Variants in DCP1A observed in about 807,000 individuals in gnomAD.
DCP1A encodes the protein mRNA-decapping enzyme 1A.
A neutral mutation model predicts 58.0 loss-of-function variants in DCP1A; 20 were observed. The ratio of observed to expected loss-of-function variants is 0.34; its 90% confidence interval spans 0.24 to 0.50. The LOEUF is 0.50. DCP1A is among the 20% of genes least tolerant of loss of function. The pLI is 0.98. For synonymous variants in DCP1A, 285 were observed against 275.1 expected, an observed-to-expected ratio of 1.04 and a Z score of -0.36; for missense variants, 613 against 712.2, an observed-to-expected ratio of 0.86 and a Z score of 1.59.
In DCP1A at chr3:53,292,326, T is replaced by C; in HGVS notation, c.1126A>G (p.Arg376Gly). ...GTGTTCGTCACGTTCAATGGGGCCC[T>C]GAAGGGGCTCTGGTTGGCAATCAGA... ...ASLIANQSPF[R>G]APLNVTNTAG... The change falls in exon 7 of 10, where the codon AGG becomes GGG. Residue 376 changes from arginine (R) to glycine (G), a missense_variant. By Grantham distance (125) the Arg-to-Gly change is moderately radical (BLOSUM62 -2). Transcript: ENST00000610213. The C allele has an allele frequency of 6.2e-7, 1 of 1,613,042 alleles. No homozygotes were observed. Among genetic ancestry groups the C allele is most frequent in the Non-Finnish European group, 8.5e-7 (1 of 1,179,108 alleles).
chr3:53,337,936 A>C (rs782618529), intron 3 of DCP1A, among the ~76,000 whole-genome samples: 1 of 152,240 alleles, frequency 6.6e-6, no homozygotes, highest in Non-Finnish European at 1.5e-5. Context: ...GCTGACACGG[A>C]ACTATCATTT....
intron 3 of DCP1A, among the ~76,000 whole-genome samples, chr3:53,340,422 T>A (rs781882810): frequency 1.3e-5 from 2 of 152,188 alleles, no homozygotes; most frequent in Non-Finnish European, 2.9e-5. Flanking sequence ...ATAGAACCTA[T>A]TTCACTTATA....
chr3:53,306,631 C>T (rs1438943281), intron 5 of DCP1A, among the ~76,000 whole-genome samples: 3 of 151,636 alleles, frequency 2.0e-5, no homozygotes, highest in South Asian at 2.1e-4. Flanking sequence ...ATTAGCCAGG[C>T]GTGGTGGTGG....
chr3:53,291,195 T>A (rs1706855709), intron 7 of DCP1A, among the ~76,000 whole-genome samples: 1 of 111,326 alleles, frequency 9.0e-6, no homozygotes, highest in Non-Finnish European at 2.2e-5. Context: ...ATATATAATT[T>A]TTAATTTTTG....
intron 3 of DCP1A, among the ~76,000 whole-genome samples, chr3:53,330,110 T>C (rs2088958692): frequency 6.6e-6 from 1 of 152,196 alleles, no homozygotes; most frequent in African/African-American, 2.4e-5. Context: ...GCCCAGTCAT[T>C]CAAATTTACA....
intron 6 of DCP1A, among the ~76,000 whole-genome samples, chr3:53,300,792 C>T (rs922556300): frequency 2.0e-5 from 3 of 151,914 alleles, no homozygotes; most frequent in Admixed American, 2.0e-4. Flanking sequence ...TGATTACAGG[C>T]GTGCACCACC....
intron 3 of DCP1A, among the ~76,000 whole-genome samples, chr3:53,331,117 A>G (rs1262956018): frequency 6.6e-6 from 1 of 152,174 alleles, no homozygotes; most frequent in Admixed American, 6.5e-5. Flanking sequence ...TTGGCCTCCC[A>G]AAGTGCTGGG....
rs1404805461 is a variant in DCP1A at position 53,284,784 on chromosome 3, G to A, written c.*2796C>T. 1 of 152,098 alleles carries A rather than the reference G, an allele frequency of 6.6e-6. No individual in the cohort carries two copies. Among genetic ancestry groups the A allele is most frequent in the Non-Finnish European group, 1.5e-5 (1 of 68,060 alleles). The allele number at this position is 152,098 out of a possible 1,614,324, so 9.4% of individuals were successfully genotyped here. A position where few individuals can be genotyped will look rare whatever the true frequency, so the allele number is the denominator to read the frequency against. On this transcript the variant is annotated 3_prime_UTR_variant, in exon 10 of 10. Transcript: ENST00000610213. ...GGTTCTTAATAAAATACCACTCTCT[G>A]TGATGGCTACATCTAAGCCTTTGAA...
At chr3:53,325,893 C>A (rs782005791) in intron 3 of DCP1A, among the ~76,000 whole-genome samples, 1 of 152,220 alleles carries the variant, frequency 6.6e-6, no homozygotes, top group Non-Finnish European at 1.5e-5. Flanking sequence ...GTTGTATATC[C>A]GCAAGAAACT....
intron 3 of DCP1A, among the ~76,000 whole-genome samples, chr3:53,326,304 A>C (rs1708101506): frequency 6.6e-6 from 1 of 152,242 alleles, no homozygotes; most frequent in Non-Finnish European, 1.5e-5. Context: ...TCCCACTTGC[A>C]AAAGTTTTAT....
At chr3:53,294,365 T>C (rs781934760) in intron 6 of DCP1A, among the ~76,000 whole-genome samples, 1 of 151,924 alleles carries the variant, frequency 6.6e-6, no homozygotes, top group Non-Finnish European at 1.5e-5. Flanking sequence ...GCAGGGAGCC[T>C]AGAGGACACC....
chr3:53,285,247 C>A lies in DCP1A; in HGVS notation c.*2333G>T, dbSNP rs938670876. 1.3e-5 allele frequency: 2 copies of A among 152,194 alleles called. No individual in the cohort carries two copies. The highest frequency in any genetic ancestry group is 4.8e-5 in the African/African-American group (2 of 41,442). The allele number at this position is 152,194 out of a possible 1,614,324, so 9.4% of individuals were successfully genotyped here. ...TCCAACTAAGCTTCCAGTAAAGACA[C>A]TGCAGCAATGTAAACATGCAACCTA... On this transcript the variant is annotated 3_prime_UTR_variant, in exon 10 of 10. Coordinates refer to ENST00000610213, the MANE Select transcript of DCP1A (RefSeq NM_018403.7).
At chr3:53,310,700 G>T (rs987155296) in intron 5 of DCP1A, among the ~76,000 whole-genome samples, 31 of 152,190 alleles carry the variant, frequency 2.0e-4, no homozygotes, top group Admixed American at 9.2e-4. Flanking sequence ...TTAGAGAGGT[G>T]ACTGCTCCTC....
At chr3:53,289,481 G>A (rs1706773242) in intron 8 of DCP1A, among the ~76,000 whole-genome samples, 1 of 151,360 alleles carries the variant, frequency 6.6e-6, no homozygotes, top group African/African-American at 2.4e-5. Flanking sequence ...GTGTGGTGAT[G>A]GGAGCCTGTA....
chr3:53,342,404 C>A (rs2106899379), intron 2 of DCP1A, 133 bp from the exon 3 acceptor site: 2 of 695,132 alleles, frequency 2.9e-6, no homozygotes, highest in South Asian at 2.1e-5. Context: ...GCACTTACAT[C>A]TGTAAACAAA....
chr3:53,341,258 T>C (rs967695409), intron 3 of DCP1A, among the ~76,000 whole-genome samples: 9 of 151,946 alleles, frequency 5.9e-5, no homozygotes, highest in Admixed American at 5.9e-4. Flanking sequence ...ATCAAGACCA[T>C]CCTGGCTAAC....
chr3:53,320,808 G>A (rs1339077176), intron 3 of DCP1A, among the ~76,000 whole-genome samples: 2 of 152,124 alleles, frequency 1.3e-5, no homozygotes, highest in Non-Finnish European at 2.9e-5. Context: ...TGGCAAATAG[G>A]AACCTGTTCT....
At chr3:53,322,490 C>T (rs2106857285) in intron 3 of DCP1A, among the ~76,000 whole-genome samples, 1 of 151,220 alleles carries the variant, frequency 6.6e-6, no homozygotes, top group Admixed American at 6.6e-5. Context: ...TATGTATGTT[C>T]CCTTCTCAAC....
intron 3 of DCP1A, among the ~76,000 whole-genome samples, chr3:53,323,769 G>A (rs1303440496): frequency 3.3e-5 from 5 of 151,736 alleles, no homozygotes; most frequent in African/African-American, 1.2e-4. Context: ...GGCTAAGGAA[G>A]GGGAATTGCT....
Sources: gnomAD v4.1 joint callset for allele counts (sites outside exome capture counted in the v4.1 genomes callset) on GRCh38, gnomAD v4.1.1 for gene constraint, MANE v1.5 for transcripts, NCBI Gene and HGNC (gene_info 2026-07-23, HGNC 2026-07-21) for gene names.